YJU2B: variants seen among roughly 807,000 people sequenced by gnomAD.
YJU2B encodes YJU2 splicing factor homolog B.
A neutral mutation model predicts 38.0 loss-of-function variants in YJU2B; 18 were observed. The ratio of observed to expected loss-of-function variants is 0.47; its 90% confidence interval spans 0.33 to 0.70. The LOEUF (loss-of-function observed/expected upper bound fraction) is 0.70. YJU2B is among the 30% of genes least tolerant of loss of function. The pLI is 0.02. For missense variants in YJU2B, 538 were observed against 556.3 expected (o/e 0.97, Z 0.33); for synonymous variants, 246 against 225.4 (o/e 1.09, Z -0.82).
At position 13,763,017 on chromosome 19, in the gene YJU2B, C is replaced by T. The variant is rs750940238; in HGVS notation, c.1140C>T (p.Cys380=). 4 of 1,593,426 alleles carry T rather than the reference C, an allele frequency of 2.5e-6. No homozygotes were observed. The highest frequency in any genetic ancestry group is 3.5e-5 in the Admixed American group (2 of 57,374). ...ACACCCCCGACACGCGGCACCCCTG[C>T]AGTCTCGGCTCCTCCCTCGTGGCGG... ...AADTPDTRHP[C]SLGSSLVADY... is the part of the protein sequence containing the mutation. Residue 380 remains cysteine, a synonymous_variant, in exon 10 of 10, where the codon TGC becomes TGT. Transcript: ENST00000221554.
At chr19:13,754,195 A>G in intron 2 of YJU2B, 94 bp from the exon 3 acceptor site, 1 of 981,568 alleles carries the variant, frequency 1.0e-6, no homozygotes, top group South Asian at 1.3e-5. Flanking sequence ...TAAAATAAAA[A>G]ATCAGAAAAA....
chr19:13,751,916 C>T (rs1973482623), intron 2 of YJU2B, 105 bp downstream of exon 2: 2 of 1,106,792 alleles, frequency 1.8e-6, no homozygotes, highest in Admixed American at 1.8e-5. Flanking sequence ...TGATTTCAAT[C>T]TCCGGGTCAT....
chr19:13,761,475 A>G (rs1973884505), intron 8 of YJU2B: 1 of 152,290 alleles, frequency 6.6e-6, no homozygotes, highest in Admixed American at 6.6e-5. Flanking sequence ...TCTCCTTATC[A>G]CTGTCTCACC....
chr19:13,758,713 C>T (rs1973761762), intron 6 of YJU2B, among the ~76,000 whole-genome samples, 155 bp from the exon 7 acceptor site: 1 of 151,956 alleles, frequency 6.6e-6, no homozygotes, highest in Admixed American at 6.6e-5. Context: ...CCCGGATGTG[C>T]CCCTTTTTGC....
rs3059652 is a variant in YJU2B, at chr19:13,759,579, AC to A, written c.573+316del. 974 of 219,826 alleles carry A rather than the reference AC, an allele frequency of 4.4e-3. 3 individuals carry two copies. The highest frequency in any genetic ancestry group is 9.6e-3 in the African/African-American group (413 of 43,150). 13.6% of individuals were successfully genotyped at this position (219,826 alleles called of 1,614,324 possible). On this transcript the variant is annotated intron_variant, in intron 8 of 9. Coordinates refer to ENST00000221554, the MANE Select transcript of YJU2B (RefSeq NM_030818.4). ...AGCCTGGGCAACATAGTGAGACACC[AC>A]CCCCCCCCTCCCCCAGCATCTCTAA... is the stretch of plus-strand genomic sequence containing the variant.
At chr19:13,745,676 TAGATAG>T (rs1369163394), upstream of YJU2B, among the ~76,000 whole-genome samples, 7 of 90,390 alleles carry the variant, frequency 7.7e-5, no homozygotes, top group South Asian at 3.7e-4. Context: ...GATAGATAGA[TAGATAG>T]ATAGATAGAT....
intron 1 of YJU2B, among the ~76,000 whole-genome samples, chr19:13,749,403 C>G (rs1322529775): frequency 6.6e-6 from 1 of 152,148 alleles, no homozygotes; most frequent in Non-Finnish European, 1.5e-5. Context: ...CTGTGTCCAT[C>G]AATAAAATTT....
At chr19:13,761,970 C>T (rs550535552) in intron 8 of YJU2B, among the ~76,000 whole-genome samples, 52 of 152,076 alleles carry the variant, frequency 3.4e-4, no homozygotes, top group African/African-American at 1.1e-3. Context: ...GGGATCCACC[C>T]GCCTCAGCCT....
intron 2 of YJU2B, among the ~76,000 whole-genome samples, chr19:13,740,912 G>A (rs1301316951): frequency 9.9e-5 from 15 of 152,132 alleles, no homozygotes; most frequent in Non-Finnish European, 4.4e-5. Flanking sequence ...CTCTTCATAT[G>A]AGCACATCCA....
chr19:13,750,881 G>T (rs1266304300), intron 1 of YJU2B, among the ~76,000 whole-genome samples: 2 of 123,826 alleles, frequency 1.6e-5, no homozygotes, highest in South Asian at 2.6e-4. Context: ...AAAAAAAAAA[G>T]CCTGTAACAA....
chr19:13,750,889 C>T (rs896510333), intron 1 of YJU2B, among the ~76,000 whole-genome samples: 15 of 133,790 alleles, frequency 1.1e-4, no homozygotes, highest in Admixed American at 5.3e-4. Flanking sequence ...AAGCCTGTAA[C>T]AAAGAGCTTG....
At chr19:13,742,546 C>T (rs403782) in intron 2 of YJU2B, among the ~76,000 whole-genome samples, 1 of 151,930 alleles carries the variant, frequency 6.6e-6, no homozygotes, top group Non-Finnish European at 1.5e-5. Context: ...AACTTCAGAA[C>T]GTGAAAGGGA....
chr19:13,736,177 G>A (rs1243792758), intron 2 of YJU2B, among the ~76,000 whole-genome samples: 2 of 151,628 alleles, frequency 1.3e-5, no homozygotes, highest in African/African-American at 4.8e-5. Context: ...CTTCTGACCT[G>A]GCTAATATGT....
intron 2 of YJU2B, among the ~76,000 whole-genome samples, chr19:13,735,543 T>TC (rs1389698051): frequency 2.6e-5 from 4 of 151,650 alleles, no homozygotes; most frequent in African/African-American, 9.7e-5. Context: ...TTTTTTTTTT[T>TC]CTCCAGCCCC....
chr19:13,762,763 G>T lies in YJU2B; in HGVS notation c.886G>T (p.Val296Leu), dbSNP rs749650534. 1 of 1,606,768 alleles carries T rather than the reference G, an allele frequency of 6.2e-7. No individual in the cohort carries two copies. The highest frequency in any genetic ancestry group is 8.5e-7 in the Non-Finnish European group (1 of 1,177,976). ...SPITVGDLGIVRRRSRDVPES... is the reference protein window; with the variant it reads ...SPITVGDLGILRRRSRDVPES... Reference sequence around the variant, plus strand: ...CATCACCGTCGGGGACCTGGGCATCGTGCGGCGGAGGTCTCGGGACGTCCC... The same window carrying T: ...CATCACCGTCGGGGACCTGGGCATCTTGCGGCGGAGGTCTCGGGACGTCCC... The change falls in exon 10 of 10, where the codon GTG (valine) becomes TTG (leucine). Residue 296 changes from valine to leucine, a missense_variant. Physicochemically the swap from Val to Leu is conservative, Grantham distance 32. Coordinates refer to ENST00000221554, the MANE Select transcript of YJU2B (RefSeq NM_030818.4).
intron 2 of YJU2B, among the ~76,000 whole-genome samples, chr19:13,741,321 ATT>A (rs984895643): frequency 1.3e-5 from 2 of 150,386 alleles, no homozygotes; most frequent in Non-Finnish European, 3.0e-5. Flanking sequence ...TGCCTGGCTA[ATT>A]TTTGTATTTT....
chr19:13,758,111 C>T (rs898311179), intron 6 of YJU2B, among the ~76,000 whole-genome samples: 2 of 152,206 alleles, frequency 1.3e-5, no homozygotes, highest in African/African-American at 2.4e-5. Context: ...TGCTGTCCCC[C>T]TCCCTGGCCT....
At position 13,763,029 on chromosome 19, in the gene YJU2B, C is replaced by T. The variant is rs557057122; in HGVS notation, c.1152C>T (p.Ser384=). The T allele has an allele frequency of 6.3e-6, 10 of 1,582,272 alleles. No homozygotes were observed. In the Admixed American group the frequency reaches 8.9e-5, roughly 14 times the overall value. The change falls in exon 10 of 10, where the codon TCC becomes TCT. Residue 384 remains serine (S), a synonymous_variant. Coordinates refer to ENST00000221554, the MANE Select transcript of YJU2B (RefSeq NM_030818.4). ...CGCGGCACCCCTGCAGTCTCGGCTC[C>T]TCCCTCGTGGCGGACTACTCCGACT... The part of the protein sequence containing the change: ...PDTRHPCSLG[S]SLVADYSDSE...
upstream of YJU2B, chr19:13,747,797 A>T (rs564101384): frequency 1.3e-5 from 2 of 152,344 alleles, no homozygotes; most frequent in African/African-American, 2.4e-5. Context: ...GCGTCGCAGA[A>T]CGCTTGGCGT....
Sources: allele counts gnomAD v4.1 joint callset (sites outside exome capture counted in the v4.1 genomes callset), GRCh38; gene constraint gnomAD v4.1.1; transcripts MANE v1.5; gene names NCBI Gene and HGNC (gene_info 2026-07-23, HGNC 2026-07-21).